Variants in KCNQ5 observed in about 807,000 individuals in gnomAD.
KCNQ5 encodes potassium voltage-gated channel subfamily KQT member 5.
Under a neutral mutation model 98.2 loss-of-function variants are expected in KCNQ5, and 30 were observed. That is an observed-to-expected ratio of 0.31 (90% confidence interval 0.23 to 0.41). The LOEUF is 0.41. Among genes scored for constraint, KCNQ5 ranks in the 10% least tolerant of loss-of-function variants. KCNQ5 has a pLI of 1.00. For synonymous variants in KCNQ5, 458 were observed against 449.4 expected (o/e 1.02, Z -0.24); for missense variants, 835 against 1,182.5 (o/e 0.71, Z 4.31).
intron 10 of KCNQ5, among the ~76,000 whole-genome samples, chr6:73,149,797 A>T (rs1777074044): frequency 6.9e-6 from 1 of 145,008 alleles, no homozygotes; most frequent in Non-Finnish European, 1.5e-5. Flanking sequence ...ACTCCGAAAA[A>T]AAAAAAAAAA....
chr6:72,838,498 T>C (rs1776614593), intron 1 of KCNQ5, among the ~76,000 whole-genome samples: 1 of 152,214 alleles, frequency 6.6e-6, no homozygotes. Flanking sequence ...TCATGAATTA[T>C]GTTTATATAT....
intron 1 of KCNQ5, among the ~76,000 whole-genome samples, chr6:72,962,590 A>T (rs974996419): frequency 5.9e-5 from 9 of 152,218 alleles, no homozygotes; most frequent in Non-Finnish European, 1.2e-4. Flanking sequence ...AAGGCAGCTG[A>T]AACTCTGTTT....
intron 3 of KCNQ5, chr6:73,055,377 G>T: frequency 6.8e-7 from 1 of 1,477,810 alleles, no homozygotes; most frequent in South Asian, 1.1e-5. Context: ...GCTCTAGCCG[G>T]TCTCAATAAA....
chr6:72,794,754 A>G (rs1582304231), intron 1 of KCNQ5, among the ~76,000 whole-genome samples: 1 of 152,326 alleles, frequency 6.6e-6, no homozygotes, highest in Non-Finnish European at 1.5e-5. Context: ...AAGAAATAAA[A>G]CAAAGCAAGA....
At chr6:72,730,017 C>T (rs1770478065) in intron 1 of KCNQ5, among the ~76,000 whole-genome samples, 3 of 152,176 alleles carry the variant, frequency 2.0e-5, no homozygotes, top group South Asian at 4.2e-4. Context: ...GTTAGCCATG[C>T]ATGGTGATGT....
At chr6:72,846,435 A>G (rs571522127) in intron 1 of KCNQ5, among the ~76,000 whole-genome samples, 2 of 152,114 alleles carry the variant, frequency 1.3e-5, no homozygotes, top group South Asian at 4.2e-4. Flanking sequence ...TGTAATCCCA[A>G]CATTGAGGTG....
intron 1 of KCNQ5, among the ~76,000 whole-genome samples, chr6:72,949,942 C>T (rs1199658346): frequency 6.6e-6 from 1 of 152,040 alleles, no homozygotes; most frequent in African/African-American, 2.4e-5. Flanking sequence ...ATGCTATACC[C>T]TCTCAAATAG....
chr6:73,071,232 GGA>G (rs1171488559), intron 3 of KCNQ5, among the ~76,000 whole-genome samples: 3 of 152,114 alleles, frequency 2.0e-5, no homozygotes, highest in African/African-American at 7.2e-5. Flanking sequence ...TTATTAGCAA[GGA>G]GAGAGAAATA....
At chr6:73,047,763 C>T (rs1213554636) in intron 3 of KCNQ5, among the ~76,000 whole-genome samples, 3 of 152,048 alleles carry the variant, frequency 2.0e-5, no homozygotes, top group Admixed American at 1.3e-4. Context: ...GATACAAAAG[C>T]GACTAAAACA....
chr6:73,039,179 G>C (rs750016106), intron 2 of KCNQ5, among the ~76,000 whole-genome samples: 14 of 152,014 alleles, frequency 9.2e-5, no homozygotes, highest in Non-Finnish European at 2.1e-4. Context: ...AATCTATACT[G>C]ATATCCCCTA....
intron 1 of KCNQ5, among the ~76,000 whole-genome samples, chr6:72,943,689 G>C (rs971597567): frequency 2.1e-4 from 32 of 152,208 alleles, no homozygotes; most frequent in African/African-American, 7.5e-4. Context: ...AGACTACCTA[G>C]ATTGCAACCT....
intron 1 of KCNQ5, among the ~76,000 whole-genome samples, chr6:72,936,183 C>A (rs1188625456): frequency 6.6e-6 from 1 of 152,180 alleles, no homozygotes; most frequent in African/African-American, 2.4e-5. Flanking sequence ...CTTGATGTCA[C>A]CCAAAAAATC....
At chr6:73,063,155 A>G (rs561464258) in intron 3 of KCNQ5, among the ~76,000 whole-genome samples, 1 of 152,334 alleles carries the variant, frequency 6.6e-6, no homozygotes, top group South Asian at 2.1e-4. Context: ...AAGATTCCTA[A>G]GTTGTAGTAT....
At position 72,726,208 on chromosome 6, in the gene KCNQ5, AT is replaced by A. The variant is rs371004096; in HGVS notation, c.398+103640del. Among the ~76,000 whole-genome samples, 725 of 142,028 alleles carry A rather than the reference AT, an allele frequency of 5.1e-3. 2 individuals are homozygous for A. Among genetic ancestry groups the A allele is most frequent in the South Asian group, 0.013 (58 of 4,450 alleles). The allele number at this position is 142,028 out of a possible 152,430, so 93.2% of individuals were successfully genotyped here. On this transcript the variant is annotated intron_variant, in intron 1 of 13. Coordinates refer to ENST00000370398, the MANE Select transcript of KCNQ5 (RefSeq NM_019842.4). ...ATAAAAATCTGTTTTTTAAATTTAA[AT>A]TTTTTTTTTTTTTTTTTTCGAGATG...
chr6:72,857,371 T>G (rs1167058712), intron 1 of KCNQ5, among the ~76,000 whole-genome samples: 2 of 152,188 alleles, frequency 1.3e-5, no homozygotes, highest in African/African-American at 2.4e-5. Context: ...TCATAATTTT[T>G]TCCATTGATT....
chr6:72,949,319 A>C (rs1210434174), intron 1 of KCNQ5, among the ~76,000 whole-genome samples: 15 of 152,198 alleles, frequency 9.9e-5, no homozygotes, highest in Admixed American at 5.2e-4. Context: ...ATAGAATTAC[A>C]TGTGGCAAAT....
chr6:73,095,860 G>A (rs2150409620), intron 5 of KCNQ5, among the ~76,000 whole-genome samples: 2 of 152,280 alleles, frequency 1.3e-5, no homozygotes, highest in South Asian at 4.1e-4. Context: ...CCTGCAGGGG[G>A]TCTGTGGGTC....
intron 1 of KCNQ5, among the ~76,000 whole-genome samples, chr6:72,848,143 A>T (rs572492926): frequency 1.3e-5 from 2 of 152,016 alleles, no homozygotes; most frequent in Non-Finnish European, 2.9e-5. Context: ...AAAGGCCAAC[A>T]GTGACCTCCT....
intron 12 of KCNQ5, among the ~76,000 whole-genome samples, chr6:73,190,941 T>G (rs1032212781): frequency 2.0e-5 from 3 of 152,228 alleles, no homozygotes; most frequent in Non-Finnish European, 4.4e-5. Context: ...GAAAGTTAGT[T>G]CTTGCCTTAT....
Sources: allele counts gnomAD v4.1 joint callset (sites outside exome capture counted in the v4.1 genomes callset), GRCh38; gene constraint gnomAD v4.1.1; transcripts MANE v1.5; gene names NCBI Gene and HGNC (gene_info 2026-07-23, HGNC 2026-07-21).